The following RFTN1 variants were observed in gnomAD, a reference collection of about 807,000 sequenced individuals.
RFTN1 encodes raftlin, lipid raft linker 1, also known as raftlin.
RFTN1 carries 26 observed loss-of-function variants against 46.5 expected under a neutral mutation model. The ratio of observed to expected loss-of-function variants is 0.56; its 90% CI spans 0.41 to 0.78. The LOEUF (loss-of-function observed/expected upper bound fraction) is 0.78. RFTN1 is among the 30% of genes least tolerant of loss of function. The pLI, the probability that RFTN1 is intolerant of heterozygous loss-of-function variation, is 0.00. For synonymous variants in RFTN1, 261 were observed against 284.2 expected (o/e 0.92, Z 0.82); for missense variants, 693 against 718.7 (o/e 0.96, Z 0.41).
chr3:16,496,406 C>A (rs939690679), intron 1 of RFTN1, among the ~76,000 whole-genome samples: 1 of 152,156 alleles, frequency 6.6e-6, no homozygotes. Context: ...GATACACTAC[C>A]CAACAGCAAA....
At chr3:16,435,440 C>T (rs1012054169) in intron 2 of RFTN1, among the ~76,000 whole-genome samples, 1 of 152,070 alleles carries the variant, frequency 6.6e-6, no homozygotes, top group Admixed American at 6.6e-5. Context: ...TGTGGTGGTG[C>T]ATGCCTGTAA....
chr3:16,389,546 A>T (rs1185125875), intron 4 of RFTN1, among the ~76,000 whole-genome samples: 1 of 152,172 alleles, frequency 6.6e-6, no homozygotes, highest in East Asian at 1.9e-4. Flanking sequence ...AGAATTATAC[A>T]TTTAAAGATT....
At chr3:16,366,012 C>T (rs200704287) in intron 6 of RFTN1, among the ~76,000 whole-genome samples, 1,016 of 121,084 alleles carry the variant, frequency 8.4e-3, no homozygotes, top group South Asian at 0.031. Context: ...GGAGGACTGC[C>T]AGGGTAGGAA....
At position 16,460,599 on chromosome 3, in the gene RFTN1, T is replaced by C. The variant is rs1227267207; in HGVS notation, c.146-26562A>G. ...AAGCAGAGGCTGGGTGGGGAATATA[T>C]ATTTTTTTAACCTAAATCTTCTTCT... On this transcript the variant is annotated intron_variant, in intron 2 of 9. Coordinates refer to ENST00000334133, the MANE Select transcript of RFTN1 (RefSeq NM_015150.2). This position sits in a 1 kb window ranked among gnomAD's most constrained non-coding sequence, Gnocchi z 4.8. Among the ~76,000 whole-genome samples the C allele has an allele frequency of 6.6e-6, 1 of 151,164 alleles. No individual in the cohort carries two copies. The highest frequency in any genetic ancestry group is 2.4e-5 in the African/African-American group (1 of 41,390).
intron 7 of RFTN1, among the ~76,000 whole-genome samples, chr3:16,330,616 C>T (rs1409414908): frequency 2.6e-5 from 4 of 152,208 alleles, no homozygotes; most frequent in Non-Finnish European, 4.4e-5. Flanking sequence ...GTGGTGGATA[C>T]GTAATCTCCG....
At chr3:16,394,997 G>A (rs2125409994) in intron 4 of RFTN1, among the ~76,000 whole-genome samples, 1 of 152,090 alleles carries the variant, frequency 6.6e-6, no homozygotes, top group African/African-American at 2.4e-5. Context: ...GCAACCAAGT[G>A]CAATAATACA....
At chr3:16,502,302 A>T (rs867841094) in intron 1 of RFTN1, among the ~76,000 whole-genome samples, 1 of 151,894 alleles carries the variant, frequency 6.6e-6, no homozygotes, top group Admixed American at 6.5e-5. Flanking sequence ...TTGAGGCTGC[A>T]GTGAGCCATG....
At chr3:16,420,163 C>G (rs1403231656) in intron 3 of RFTN1, among the ~76,000 whole-genome samples, 4 of 152,136 alleles carry the variant, frequency 2.6e-5, no homozygotes, top group African/African-American at 9.7e-5. Context: ...CAAACTTTGC[C>G]TCGGTGCTCC....
intron 6 of RFTN1, among the ~76,000 whole-genome samples, 160 bp downstream of exon 6, chr3:16,369,916 G>T (rs561795326): frequency 1.3e-5 from 2 of 152,332 alleles, no homozygotes; most frequent in East Asian, 3.9e-4. Context: ...TGGGCTTTAT[G>T]GAAAGTTCCT....
rs1553573130 is a variant in RFTN1 at position 16,377,253 on chromosome 3, C to T, written c.826+465G>A. On this transcript the variant is annotated intron_variant, in intron 5 of 9. Coordinates refer to ENST00000334133, the MANE Select transcript of RFTN1 (RefSeq NM_015150.2). ...GTAAGTCCACCTGGGTTCATATGCCCGAACTGCCTATTTCCAGACTGGGCA... is the reference window on the plus strand; with the variant it reads ...GTAAGTCCACCTGGGTTCATATGCCTGAACTGCCTATTTCCAGACTGGGCA... Among the ~76,000 whole-genome samples the T allele has an allele frequency of 3.9e-5, 6 of 152,022 alleles. No individual in the cohort carries two copies. The South Asian group carries it at 6.2e-4, about 16-fold the overall frequency.
At position 16,374,715 on chromosome 3, in the gene RFTN1, G is replaced by A. The variant is rs892628739; in HGVS notation, c.826+3003C>T. ...TGTCTAGCCTCCTGGTTTCTCTGAT[G>A]GAAGCTGTGGCAACGGAGACACTGA... On this transcript the variant is annotated intron_variant, in intron 5 of 9. Transcript: ENST00000334133. The surrounding 1 kb of genome is among the most constrained non-coding windows in gnomAD (Gnocchi z 5.4). 3.9e-5 allele frequency among the ~76,000 whole-genome samples: 6 copies of A among 152,222 alleles called. No individual in the cohort carries two copies. The highest frequency in any genetic ancestry group is 8.8e-5 in the Non-Finnish European group (6 of 68,034).
rs2074636721 is a variant in RFTN1, at chr3:16,402,759, T to G, written c.441+6616A>C. On this transcript the variant is annotated intron_variant, in intron 4 of 9. Coordinates refer to ENST00000334133, the MANE Select transcript of RFTN1 (RefSeq NM_015150.2). This position sits in a 1 kb window ranked among gnomAD's most constrained non-coding sequence, Gnocchi z 4.5. ...TGCTTTCTTTAGGTTGAGGCATAAG[T>G]AGCATCATTCGGTTTTCTGAAGGAC... Among the ~76,000 whole-genome samples, 1 of 152,166 alleles carries G rather than the reference T, an allele frequency of 6.6e-6. No homozygotes were observed. The highest frequency in any genetic ancestry group is 6.5e-5 in the Admixed American group (1 of 15,282).
rs2076668486 is a variant in RFTN1, at chr3:16,499,136, G to A, written c.-8-5259C>T. On this transcript the variant is annotated intron_variant, in intron 1 of 9. Transcript: ENST00000334133. The surrounding 1 kb of genome is among the most constrained non-coding windows in gnomAD (Gnocchi z 4.9). ...CATTCAGGGAGTGTCTCAGTAGAAG[G>A]ACATCTCTCACATGGGTCAAAGTCT... Among the ~76,000 whole-genome samples the A allele has an allele frequency of 6.6e-6, 1 of 152,174 alleles. No homozygotes were observed. Among genetic ancestry groups the A allele is most frequent in the Non-Finnish European group, 1.5e-5 (1 of 68,030 alleles).
rs1364297367 is a variant in RFTN1, at chr3:16,421,976, C to T, written c.332+11875G>A. Among the ~76,000 whole-genome samples the T allele has an allele frequency of 6.6e-6, 1 of 152,294 alleles. No individual in the cohort carries two copies. Among genetic ancestry groups the T allele is most frequent in the Non-Finnish European group, 1.5e-5 (1 of 68,030 alleles). ...CTCTGACATACACACCAAGCCAGGA[C>T]ACCACCTTCAACCTGAATGCTAAAT... On this transcript the variant is annotated intron_variant, in intron 3 of 9. Transcript: ENST00000334133. This position sits in a 1 kb window ranked among gnomAD's most constrained non-coding sequence, Gnocchi z 4.6.
chr3:16,403,775 A>T (rs534583066), intron 4 of RFTN1, among the ~76,000 whole-genome samples: 6 of 16,360 alleles, frequency 3.7e-4, no homozygotes, highest in African/African-American at 1.6e-3. Context: ...AATATATAAT[A>T]TATATTATAT....
At position 16,351,666 on chromosome 3, in the gene RFTN1, A is replaced by AC. The variant is rs2072111083; in HGVS notation, c.1146+6265dup. On this transcript the variant is annotated intron_variant, in intron 7 of 9. Transcript: ENST00000334133. The surrounding 1 kb of genome is among the most constrained non-coding windows in gnomAD (Gnocchi z 5.4). Reference sequence around the variant, plus strand: ...GCCCTTCTGACCTCACCAACTGAGCACTTCAGGGGTAAGCTGTATATAAGT... The same window carrying AC: ...GCCCTTCTGACCTCACCAACTGAGCACCTTCAGGGGTAAGCTGTATATAAGT... Among the ~76,000 whole-genome samples, 1 of 152,216 alleles carries AC rather than the reference A, an allele frequency of 6.6e-6. No individual in the cohort carries two copies. The highest frequency in any genetic ancestry group is 1.5e-5 in the Non-Finnish European group (1 of 68,032).
chr3:16,411,868 A>G (rs964180538), intron 3 of RFTN1, among the ~76,000 whole-genome samples: 1 of 152,264 alleles, frequency 6.6e-6, no homozygotes, highest in Non-Finnish European at 1.5e-5. Context: ...ATCATTTTAA[A>G]TAAGTCAATG....
chr3:16,511,473 A>G (rs2076900864), intron 1 of RFTN1, among the ~76,000 whole-genome samples: 1 of 152,120 alleles, frequency 6.6e-6, no homozygotes, highest in African/African-American at 2.4e-5. Flanking sequence ...AAGATGGCAA[A>G]ATGTGAATTA....
chr3:16,494,314 G>A (rs2076590494), intron 1 of RFTN1, among the ~76,000 whole-genome samples: 1 of 152,196 alleles, frequency 6.6e-6, no homozygotes, highest in Non-Finnish European at 1.5e-5. Context: ...CACAGAATAA[G>A]TCGTTGTTAC....
Sources: gnomAD v4.1 joint callset for allele counts (sites outside exome capture counted in the v4.1 genomes callset) on GRCh38, gnomAD v4.1.1 for gene constraint, Gnocchi (gnomAD v3.1) non-coding constraint, MANE v1.5 for transcripts, NCBI Gene and HGNC (gene_info 2026-07-23, HGNC 2026-07-21) for gene names.